KIF26B: variants seen among roughly 807,000 people sequenced by gnomAD.
KIF26B encodes the protein kinesin family member 26B.
In KIF26B, 63 loss-of-function variants were observed where a neutral mutation model predicts 151.2. The ratio of observed to expected loss-of-function variants is 0.42; its 90% CI spans 0.34 to 0.51. The LOEUF is 0.51. KIF26B is among the 20% of genes least tolerant of loss of function. KIF26B has a pLI of 0.07. For missense variants in KIF26B, 2,813 were observed against 2,913.6 expected (o/e 0.97, Z 0.79); for synonymous variants, 1,357 against 1,262.1 (o/e 1.08, Z -1.59).
At chr1:245,243,546 G>A (rs1270904092) in intron 2 of KIF26B, among the ~76,000 whole-genome samples, 1 of 151,898 alleles carries the variant, frequency 6.6e-6, no homozygotes, top group East Asian at 1.9e-4. Context: ...CCCAGTCTGT[G>A]GTTGGTCTTT....
At chr1:245,307,644 G>A (rs1488451770) in intron 2 of KIF26B, among the ~76,000 whole-genome samples, 4 of 151,906 alleles carry the variant, frequency 2.6e-5, no homozygotes, top group Non-Finnish European at 5.9e-5. Flanking sequence ...AAAACATTTC[G>A]AAGATAGTTG....
chr1:245,625,937 C>T (rs1044093799), intron 9 of KIF26B, among the ~76,000 whole-genome samples: 2 of 152,184 alleles, frequency 1.3e-5, no homozygotes, highest in African/African-American at 4.8e-5. Context: ...TTTGACTTAA[C>T]ATAATGACAT....
At chr1:245,647,616 G>T (rs1046390298) in intron 10 of KIF26B, among the ~76,000 whole-genome samples, 3 of 152,028 alleles carry the variant, frequency 2.0e-5, no homozygotes, top group Non-Finnish European at 4.4e-5. Context: ...TGGATTCATG[G>T]TTTTATCTGT....
chr1:245,291,945 C>T (rs569034446), intron 2 of KIF26B, among the ~76,000 whole-genome samples: 19 of 152,170 alleles, frequency 1.2e-4, no homozygotes, highest in African/African-American at 3.1e-4. Flanking sequence ...TGTGCCAGAC[C>T]GGGTCTCCTG....
At chr1:245,613,437 T>G (rs2103155805) in intron 9 of KIF26B, among the ~76,000 whole-genome samples, 1 of 152,132 alleles carries the variant, frequency 6.6e-6, no homozygotes, top group South Asian at 2.1e-4. Context: ...ACCCCGTCTC[T>G]ACTAAAAATA....
chr1:245,173,233 CA>C (rs1308505307), intron 2 of KIF26B, among the ~76,000 whole-genome samples: 27 of 152,100 alleles, frequency 1.8e-4, no homozygotes, highest in African/African-American at 6.3e-4. Flanking sequence ...TGGTGGTTAC[CA>C]AGAATTGGGG....
intron 4 of KIF26B, among the ~76,000 whole-genome samples, chr1:245,430,981 A>G (rs949829455): frequency 1.2e-4 from 19 of 152,216 alleles, no homozygotes; most frequent in African/African-American, 4.6e-4. Context: ...CAGCACCTAA[A>G]AGAACACTCA....
chr1:245,618,271 C>T lies in KIF26B; in HGVS notation c.2098+6295C>T, dbSNP rs377127388. On this transcript the variant is annotated intron_variant, in intron 9 of 14. Coordinates refer to ENST00000407071, the MANE Select transcript of KIF26B (RefSeq NM_018012.4). ...TTGGCTGTTTGTGAGCTAGTCCAAGCCCTATTGGACTATAGGTGCCTTGAG... is the reference window on the plus strand; with the variant it reads ...TTGGCTGTTTGTGAGCTAGTCCAAGTCCTATTGGACTATAGGTGCCTTGAG... 2.6e-5 allele frequency among the ~76,000 whole-genome samples: 4 copies of T among 152,346 alleles called. No homozygotes were observed. The East Asian group carries it at 7.7e-4, about 29-fold the overall frequency.
intron 6 of KIF26B, among the ~76,000 whole-genome samples, chr1:245,604,187 T>A (rs1468345114): frequency 6.6e-6 from 1 of 152,226 alleles, no homozygotes; most frequent in African/African-American, 2.4e-5. Flanking sequence ...AAGTTTCTAG[T>A]GCTTATCAAG....
chr1:245,294,108 G>C (rs190465224), intron 2 of KIF26B, among the ~76,000 whole-genome samples: 1 of 152,174 alleles, frequency 6.6e-6, no homozygotes, highest in African/African-American at 2.4e-5. Context: ...CTGAGGGGCT[G>C]TGTACACGGA....
rs1661587922 is a variant in KIF26B at position 245,540,430 on chromosome 1, T to C, written c.1167-337T>C. ...AGTTTATGCCAGAGAAGTTGTGGAG[T>C]GATGAACTTAATGGGTGCCCTTATC... On this transcript the variant is annotated intron_variant, in intron 4 of 14. Transcript: ENST00000407071. This position sits in a 1 kb window ranked among gnomAD's most constrained non-coding sequence, Gnocchi z 4.6. 2.0e-6 allele frequency: 1 copy of C among 512,156 alleles called. No homozygotes were observed. The allele number at this position is 512,156 out of a possible 1,614,324, so 31.7% of individuals were successfully genotyped here. A position where few individuals can be genotyped will look rare whatever the true frequency, so the allele number is the denominator to read the frequency against.
intron 10 of KIF26B, among the ~76,000 whole-genome samples, chr1:245,678,634 A>T (rs531118072): frequency 6.6e-6 from 1 of 151,978 alleles, no homozygotes; most frequent in African/African-American, 2.4e-5. Context: ...GAGGCCAAGG[A>T]GGGAGGATCA....
intron 2 of KIF26B, among the ~76,000 whole-genome samples, chr1:245,303,978 T>C (rs1224764404): frequency 1.3e-5 from 2 of 152,214 alleles, no homozygotes; most frequent in Admixed American, 6.5e-5. Flanking sequence ...AATGACTATG[T>C]TGGGAAGTTT....
At chr1:245,382,315 T>C (rs1344543367) in intron 3 of KIF26B, among the ~76,000 whole-genome samples, 1 of 150,552 alleles carries the variant, frequency 6.6e-6, no homozygotes, top group Non-Finnish European at 1.5e-5. Flanking sequence ...TCATGAGTGA[T>C]GTTGAGCATC....
chr1:245,679,808 G>A (rs1033282844), intron 10 of KIF26B, among the ~76,000 whole-genome samples: 1 of 152,062 alleles, frequency 6.6e-6, no homozygotes, highest in African/African-American at 2.4e-5. Flanking sequence ...AGTGTAGGCA[G>A]GGAGTGAAAC....
intron 2 of KIF26B, among the ~76,000 whole-genome samples, chr1:245,285,640 GAAAA>G (rs68008343): frequency 1.1e-3 from 138 of 131,082 alleles, no homozygotes; most frequent in East Asian, 2.0e-3. Flanking sequence ...TCCTAAAATT[GAAAA>G]AAAAAAAAAA....
chr1:245,688,684 G>A lies in KIF26B; in HGVS notation c.5701G>A (p.Val1901Met), dbSNP rs1225306856. 1 of 1,606,022 alleles carries A rather than the reference G, an allele frequency of 6.2e-7. No individual in the cohort carries two copies. The highest frequency in any genetic ancestry group is 8.5e-7 in the Non-Finnish European group (1 of 1,177,424). Residue 1901 changes from valine to methionine, a missense_variant, in exon 12 of 15, where the codon GTG (valine) becomes ATG (methionine). By Grantham distance (21) the Val-to-Met change is conservative. Around this residue, in one of 3 missense-constraint regions of KIF26B, gnomAD observed 2,060 missense variants for 2,088.6 expected, o/e 0.99. Coordinates refer to ENST00000407071, the MANE Select transcript of KIF26B (RefSeq NM_018012.4). Reference sequence around the variant, plus strand: ...CGGCGGCAGCAGCGGCTACGAGAGCGTGATGCGGGACAGCGAGGCCACCGG... The same window carrying A: ...CGGCGGCAGCAGCGGCTACGAGAGCATGATGCGGGACAGCGAGGCCACCGG... ...HSGGSSGYES[V>M]MRDSEATGSA...
chr1:245,349,474 A>G (rs1375023086), intron 2 of KIF26B, among the ~76,000 whole-genome samples: 1 of 151,918 alleles, frequency 6.6e-6, no homozygotes, highest in Non-Finnish European at 1.5e-5. Flanking sequence ...ACAAACTTGA[A>G]TAATCCTGTT....
intron 2 of KIF26B, among the ~76,000 whole-genome samples, chr1:245,266,187 A>G (rs1462687613): frequency 6.6e-6 from 1 of 152,240 alleles, no homozygotes. Context: ...TAATAAACCT[A>G]TGAAAAGGTA....
Sources: allele counts gnomAD v4.1 joint callset (sites outside exome capture counted in the v4.1 genomes callset), GRCh38; gene constraint gnomAD v4.1.1; regional missense constraint gnomAD v4.1.1; non-coding constraint Gnocchi (gnomAD v3.1); transcripts MANE v1.5; gene names NCBI Gene and HGNC (gene_info 2026-07-23, HGNC 2026-07-21).